PUM1: variants seen among roughly 807,000 people sequenced by gnomAD.
PUM1 encodes the protein pumilio homolog 1.
A neutral mutation model predicts 131.8 loss-of-function variants in PUM1; 13 were observed. The ratio of observed to expected loss-of-function variants is 0.10; its 90% CI spans 0.06 to 0.16. The LOEUF is 0.16. Among genes scored for constraint, PUM1 ranks in the 10% least tolerant of loss-of-function variants. The pLI, the probability that PUM1 is intolerant of heterozygous loss-of-function variation, is 1.00. For missense variants in PUM1, 961 were observed against 1,512.4 expected, an observed-to-expected ratio of 0.64 and a Z score of 6.05; for synonymous variants, 509 against 556.5, an observed-to-expected ratio of 0.91 and a Z score of 1.20.
intron 14 of PUM1, among the ~76,000 whole-genome samples, chr1:30,957,087 T>TTC (rs1553145750): frequency 1.4e-5 from 2 of 139,904 alleles, no homozygotes; most frequent in African/African-American, 5.5e-5. Context: ...AGGACATTCA[T>TTC]ACACACACAC....
intron 10 of PUM1, among the ~76,000 whole-genome samples, chr1:30,974,216 T>C (rs1006136264): frequency 1.3e-5 from 2 of 152,190 alleles, no homozygotes; most frequent in Admixed American, 1.3e-4. Flanking sequence ...GATATGATAG[T>C]TTAAGATTTA....
At position 31,005,760 on chromosome 1, in the gene PUM1, TA is replaced by T; in HGVS notation, c.720+92del. The T allele has an allele frequency of 2.4e-6, 3 of 1,260,028 alleles. No individual in the cohort carries two copies. The African/African-American group carries it at 4.5e-5, about 19-fold the overall frequency. The allele number at this position is 1,260,028 out of a possible 1,614,324, so 78.1% of individuals were successfully genotyped here. The stretch of plus-strand genomic sequence containing the variant: ...TAATGCTGTGAACATCTAAGGAAAC[TA>T]AACAGGCATGTTTTGCTTTAGGGGA... On this transcript the variant is annotated intron_variant, in intron 5 of 21. Coordinates refer to ENST00000426105, the MANE Select transcript of PUM1 (RefSeq NM_001020658.2).
intron 4 of PUM1, 96 bp from the exon 5 acceptor site, chr1:31,006,127 T>A: frequency 8.6e-7 from 1 of 1,168,232 alleles, no homozygotes; most frequent in Non-Finnish European, 1.2e-6. Flanking sequence ...TCAGGAAACT[T>A]GCCATGGTCA....
intron 3 of PUM1, among the ~76,000 whole-genome samples, chr1:31,014,116 C>G (rs371018022): frequency 7.3e-5 from 11 of 151,682 alleles, no homozygotes; most frequent in Non-Finnish European, 1.6e-4. Context: ...GCCTGGAAAA[C>G]ATGTGACAGC....
chr1:31,022,941 G>A (rs1643085957), intron 3 of PUM1, among the ~76,000 whole-genome samples: 1 of 152,124 alleles, frequency 6.6e-6, no homozygotes, highest in Admixed American at 6.6e-5. Context: ...GGCAGAGGCA[G>A]GTGGATCACT....
At chr1:31,041,870 T>TA (rs890977084) in intron 2 of PUM1, among the ~76,000 whole-genome samples, 37 of 151,282 alleles carry the variant, frequency 2.4e-4, no homozygotes, top group African/African-American at 4.1e-4. Context: ...ATACTTTTTT[T>TA]AAAAAAAAAT....
intron 18 of PUM1, 71 bp from the exon 19 acceptor site, chr1:30,942,194 TATATATATA>T (rs1557545164): frequency 0.076 from 12,442 of 163,546 alleles, 1,465 homozygotes; most frequent in Admixed American, 0.19. Context: ...GTATTGTTTA[TATATATATA>T]TATATATATA....
intron 14 of PUM1, 108 bp from the exon 15 acceptor site, chr1:30,954,089 A>G: frequency 8.4e-7 from 1 of 1,195,406 alleles, no homozygotes; most frequent in East Asian, 2.4e-5. Context: ...TGATTTCTTC[A>G]ATGCTGTTGT....
intron 19 of PUM1, among the ~76,000 whole-genome samples, chr1:30,941,682 T>C (rs563913966): frequency 6.6e-6 from 1 of 152,034 alleles, no homozygotes; most frequent in East Asian, 1.9e-4. Context: ...AAACAAGAAA[T>C]CAACAAATCA....
chr1:31,018,371 T>A (rs1642899598), intron 3 of PUM1, among the ~76,000 whole-genome samples: 1 of 148,208 alleles, frequency 6.7e-6, no homozygotes, highest in Non-Finnish European at 1.5e-5. Context: ...ATGAAAAAAA[T>A]TAAAGGCTGG....
rs201834615 is a variant in PUM1, at chr1:30,967,252, A to G, written c.1704T>C (p.Asn568=). Reference sequence around the variant, plus strand: ...CTCCAAGACCATTTCTCGCGCCTGCATTCACTACAAGGGCACCAGTTTGGT... The same window carrying G: ...CTCCAAGACCATTTCTCGCGCCTGCGTTCACTACAAGGGCACCAGTTTGGT... The part of the protein sequence containing the change: ...YYDQTGALVV[N]AGARNGLGAP... Residue 568 remains asparagine (N), a synonymous_variant, in exon 12 of 22, where the codon AAT becomes AAC. Coordinates refer to ENST00000426105, the MANE Select transcript of PUM1 (RefSeq NM_001020658.2). 1 of 1,614,146 alleles carries G rather than the reference A, an allele frequency of 6.2e-7. No homozygotes were observed. The highest frequency in any genetic ancestry group is 2.2e-5 in the East Asian group (1 of 44,874).
At chr1:31,028,423 G>A (rs1208459861) in intron 3 of PUM1, among the ~76,000 whole-genome samples, 1 of 151,952 alleles carries the variant, frequency 6.6e-6, no homozygotes, top group Non-Finnish European at 1.5e-5. Context: ...CATTGGCGGG[G>A]GGGGTGGGTT....
At chr1:30,990,778 A>G (rs984280250) in intron 7 of PUM1, among the ~76,000 whole-genome samples, 1 of 152,236 alleles carries the variant, frequency 6.6e-6, no homozygotes, top group Non-Finnish European at 1.5e-5. Context: ...TCTATGTTGC[A>G]GCAACCAAGA....
intron 3 of PUM1, among the ~76,000 whole-genome samples, chr1:31,022,089 A>G (rs548504609): frequency 0.022 from 3,382 of 152,116 alleles, 86 homozygotes; most frequent in African/African-American, 0.064. Flanking sequence ...AAAAAAAAAA[A>G]AACAGAATTT....
intron 7 of PUM1, among the ~76,000 whole-genome samples, chr1:30,989,175 A>ACTT (rs1413709183): frequency 1.3e-5 from 2 of 152,136 alleles, no homozygotes; most frequent in Non-Finnish European, 2.9e-5. Flanking sequence ...CAGACTGACT[A>ACTT]CTTCTACATT....
At chr1:30,976,080 G>A (rs959046625) in intron 9 of PUM1, among the ~76,000 whole-genome samples, 7 of 122,248 alleles carry the variant, frequency 5.7e-5, no homozygotes, top group African/African-American at 2.4e-4. Flanking sequence ...AGAGCAAAGA[G>A]TGTGTCTCCA....
rs1427218072 is a variant in PUM1, at chr1:30,941,410, T to A, written c.3121-138A>T. Reference sequence around the variant, plus strand: ...ATATGAATACTAATGAACACACAATTTTTAAGACAGGTAGTAACGTTCTTC... The same window carrying A: ...ATATGAATACTAATGAACACACAATATTTAAGACAGGTAGTAACGTTCTTC... On this transcript the variant is annotated intron_variant, in intron 19 of 21. Coordinates refer to ENST00000426105, the MANE Select transcript of PUM1 (RefSeq NM_001020658.2). 6 of 827,852 alleles carry A rather than the reference T, an allele frequency of 7.2e-6. No homozygotes were observed. In the East Asian group the frequency reaches 1.4e-4, roughly 19 times the overall value. 51.3% of individuals were successfully genotyped at this position (827,852 alleles called of 1,614,324 possible). A position where few individuals can be genotyped will look rare whatever the true frequency, so the allele number is the denominator to read the frequency against.
Position 30,989,571 on chromosome 1 carries a change from CAAAAAAAAAAA to C in PUM1, c.1158+2808_1158+2818del, listed in dbSNP as rs1174565063. Among the ~76,000 whole-genome samples, 157 of 27,712 alleles carry C rather than the reference CAAAAAAAAAAA, an allele frequency of 5.7e-3. 2 individuals are homozygous for C. The highest frequency in any genetic ancestry group is 0.019 in the South Asian group (10 of 516). 18.2% of individuals were successfully genotyped at this position (27,712 alleles called of 152,430 possible). A position where few individuals can be genotyped will look rare whatever the true frequency, so the allele number is the denominator to read the frequency against. ...TGGGCAAAAGAGTGAGACTCCGTCT[CAAAAAAAAAAA>C]AAAAAAAAAAAAAAAAAGAACCACT... On this transcript the variant is annotated intron_variant, in intron 7 of 21. Coordinates refer to ENST00000426105, the MANE Select transcript of PUM1 (RefSeq NM_001020658.2).
At chr1:30,994,915 A>G in intron 6 of PUM1, 139 bp downstream of exon 6, 1 of 860,800 alleles carries the variant, frequency 1.2e-6, no homozygotes. Context: ...CAATCTTTGT[A>G]GCATAGCCTA....
Sources: gnomAD v4.1 joint callset for allele counts (sites outside exome capture counted in the v4.1 genomes callset) on GRCh38, gnomAD v4.1.1 for gene constraint, MANE v1.5 for transcripts, NCBI Gene and HGNC (gene_info 2026-07-23, HGNC 2026-07-21) for gene names.